The following ACTR3C variants were observed in gnomAD, a reference collection of about 807,000 sequenced individuals.
ACTR3C encodes the protein actin related protein 3C.
A neutral mutation model predicts 26.3 loss-of-function variants in ACTR3C; 18 were observed. The observed-to-expected ratio is 0.68, with a 90% confidence interval of 0.47 to 1.01. ACTR3C has a LOEUF of 1.01. ACTR3C is among the 50% of genes least tolerant of loss of function. The probability of loss-of-function intolerance (pLI) is 0.00; values close to 1 mark genes in which losing one functional copy is unlikely to be tolerated. For missense variants in ACTR3C, 184 were observed against 250.7 expected, an observed-to-expected ratio of 0.73 and a Z score of 1.80; for synonymous variants, 55 against 94.5, an observed-to-expected ratio of 0.58 and a Z score of 2.42.
At chr7:150,226,746 G>A in the ACTR3C span, among the ~76,000 whole-genome samples, 105 of 152,068 alleles carry the variant, frequency 6.9e-4, no homozygotes, top group African/African-American at 1.4e-3. Context: ...CCTCATTGCC[G>A]TTTTAATTTG....
Position 150,255,223 on chromosome 7 carries a change from G to C in ACTR3C, c.565-6169C>G, listed in dbSNP as rs533341621. 6.0e-4 allele frequency among the ~76,000 whole-genome samples: 88 copies of C among 145,594 alleles called. 1 individual carries two copies. The highest frequency in any genetic ancestry group is 3.5e-3 in the South Asian group (16 of 4,614). On this transcript the variant is annotated intron_variant, in intron 6 of 7. Transcript: ENST00000683684. ...TGCTTCCTAGGGCAATCAGAAATCT[G>C]CCAAAAGTTTTGTAGGGGATTTTTT...
At chr7:150,098,919 T>C in the ACTR3C span, among the ~76,000 whole-genome samples, 1 of 150,954 alleles carries the variant, frequency 6.6e-6, no homozygotes, top group Non-Finnish European at 1.5e-5. Context: ...CGCCCATTAA[T>C]GGTCTACAAT....
chr7:150,106,864 G>C, the ACTR3C span, among the ~76,000 whole-genome samples: 1 of 146,486 alleles, frequency 6.8e-6, no homozygotes, highest in African/African-American at 2.7e-5. Flanking sequence ...CTGGGAAAGA[G>C]GGAGTATTAA....
At chr7:150,173,682 T>A in the ACTR3C span, among the ~76,000 whole-genome samples, 1 of 119,002 alleles carries the variant, frequency 8.4e-6, no homozygotes, top group Admixed American at 7.7e-5. Context: ...TCTATCACGT[T>A]GTCGGGCTGC....
chr7:150,030,786 T>C, the ACTR3C span, among the ~76,000 whole-genome samples: 3 of 151,846 alleles, frequency 2.0e-5, no homozygotes, highest in Non-Finnish European at 4.4e-5. Flanking sequence ...CTCACTCCAT[T>C]CGCAATGGCA....
chr7:150,041,200 G>T, the ACTR3C span, among the ~76,000 whole-genome samples: 1 of 150,328 alleles, frequency 6.7e-6, no homozygotes, highest in Non-Finnish European at 1.5e-5. Context: ...AAAAGTTCCG[G>T]GTCCCCGACC....
At chr7:150,308,702 C>T (rs562430772) in intron 1 of ACTR3C, among the ~76,000 whole-genome samples, 2 of 152,166 alleles carry the variant, frequency 1.3e-5, no homozygotes, top group Non-Finnish European at 2.9e-5. Context: ...TCCTCAGCCT[C>T]TGCTCCCCCA....
At chr7:150,313,550 T>C (rs1796513875) in intron 1 of ACTR3C, among the ~76,000 whole-genome samples, 1 of 152,204 alleles carries the variant, frequency 6.6e-6, no homozygotes, top group African/African-American at 2.4e-5. Context: ...TGTGTGGATG[T>C]TAATTCCGGT....
intron 1 of ACTR3C, among the ~76,000 whole-genome samples, chr7:150,308,325 A>G (rs930150599): frequency 6.6e-6 from 1 of 152,126 alleles, no homozygotes. Context: ...CACCTGACCT[A>G]AAACCTAAGA....
At chr7:150,221,158 C>G in the ACTR3C span, among the ~76,000 whole-genome samples, 1 of 152,246 alleles carries the variant, frequency 6.6e-6, no homozygotes, top group African/African-American at 2.4e-5. Context: ...GAGGCCCGGT[C>G]GGTGCCATTG....
the ACTR3C span, among the ~76,000 whole-genome samples, chr7:150,084,837 G>C: frequency 6.6e-6 from 1 of 152,156 alleles, no homozygotes; most frequent in African/African-American, 2.4e-5. Flanking sequence ...GGGAGGGGGA[G>C]TGGAAGCAGG....
At chr7:150,139,536 A>C in the ACTR3C span, among the ~76,000 whole-genome samples, 1 of 152,294 alleles carries the variant, frequency 6.6e-6, no homozygotes, top group East Asian at 1.9e-4. Context: ...CATTGTTCTT[A>C]ACAGTGGCTG....
the ACTR3C span, among the ~76,000 whole-genome samples, chr7:150,135,183 A>G: frequency 1.3e-5 from 2 of 152,234 alleles, no homozygotes; most frequent in Non-Finnish European, 2.9e-5. Flanking sequence ...GAGGCAGGAG[A>G]ATGGCGTGAA....
At chr7:149,975,929 G>T in the ACTR3C span, among the ~76,000 whole-genome samples, 1 of 152,132 alleles carries the variant, frequency 6.6e-6, no homozygotes, top group African/African-American at 2.4e-5. Context: ...GTGAGATCTG[G>T]GTGGGGAAAC....
At chr7:150,138,661 T>A in the ACTR3C span, among the ~76,000 whole-genome samples, 1 of 152,272 alleles carries the variant, frequency 6.6e-6, no homozygotes, top group Non-Finnish European at 1.5e-5. Context: ...TCTGCTCTCC[T>A]CTGCAGTGTA....
the ACTR3C span, among the ~76,000 whole-genome samples, chr7:150,133,098 G>A: frequency 7.2e-5 from 11 of 151,984 alleles, no homozygotes; most frequent in Non-Finnish European, 1.5e-4. Context: ...AAACTATCTC[G>A]CATGCACACA....
At chr7:150,254,758 A>G (rs1034369757) in intron 6 of ACTR3C, among the ~76,000 whole-genome samples, 2 of 152,122 alleles carry the variant, frequency 1.3e-5, no homozygotes, top group Non-Finnish European at 2.9e-5. Context: ...CTCCTACAGC[A>G]CCCAATTAAA....
chr7:150,175,999 C>T, the ACTR3C span, among the ~76,000 whole-genome samples: 6 of 150,312 alleles, frequency 4.0e-5, no homozygotes, highest in Admixed American at 6.6e-5. Context: ...TTGCATGGAA[C>T]GCTCTCAGGT....
chr7:149,984,658 AAAGT>A, the ACTR3C span, among the ~76,000 whole-genome samples: 1 of 151,756 alleles, frequency 6.6e-6, no homozygotes, highest in South Asian at 2.1e-4. Context: ...TGGGAATTGT[AAAGT>A]AAGTATTGGT....
Sources: gnomAD v4.1 joint callset for allele counts (sites outside exome capture counted in the v4.1 genomes callset) on GRCh38, gnomAD v4.1.1 for gene constraint, MANE v1.5 for transcripts, NCBI Gene and HGNC (gene_info 2026-07-23, HGNC 2026-07-21) for gene names.